The following FREM2 variants were observed in gnomAD, a reference collection of about 807,000 sequenced individuals.
The protein encoded by FREM2 is FRAS1 related extracellular matrix 2.
In FREM2, 119 loss-of-function variants were observed where a neutral mutation model predicts 219.9. That is an observed-to-expected ratio of 0.54 (90% confidence interval 0.47 to 0.63). FREM2 has a LOEUF of 0.63. Ranked by LOEUF, FREM2 falls within the 30% of genes least tolerant of loss-of-function variation. FREM2 has a pLI of 0.00. For synonymous variants in FREM2, 1,562 were observed against 1,522.8 expected (o/e 1.03, Z -0.60); for missense variants, 4,030 against 3,993.6 (o/e 1.01, Z -0.25).
At chr13:38,757,791 A>G (rs1873073450) in intron 2 of FREM2, among the ~76,000 whole-genome samples, 2 of 151,980 alleles carry the variant, frequency 1.3e-5, no homozygotes, top group Non-Finnish European at 2.9e-5. Flanking sequence ...GGGTTTCACC[A>G]TGCTGTTCAG....
At chr13:38,747,305 A>G (rs11147730) in intron 2 of FREM2, among the ~76,000 whole-genome samples, 85,558 of 151,850 alleles carry the variant, frequency 0.56, 27,178 homozygotes, top group Non-Finnish European at 0.72. Context: ...TTTGAAGGGT[A>G]CTCATGGTCT....
At chr13:38,768,247 T>C (rs1014484675) in intron 3 of FREM2, among the ~76,000 whole-genome samples, 1 of 152,166 alleles carries the variant, frequency 6.6e-6, no homozygotes, top group African/African-American at 2.4e-5. Context: ...ATCACAAGAC[T>C]TTATTTTTCC....
rs1000912828 is a variant in FREM2, at chr13:38,691,092, G to A, written c.3748G>A (p.Glu1250Lys). ...GCTGATAAATGGCACGGTTTTGGTC[G>A]AAAGCTTCACCTTGGATCAGATCAT... Reference protein sequence around the residue: ...NQLINGTVLVESFTLDQIIES... With the variant: ...NQLINGTVLVKSFTLDQIIES... Residue 1250 changes from glutamate to lysine, a missense_variant, in exon 1 of 24, where the codon GAA (glutamate) becomes AAA (lysine). Glu to Lys is a moderately conservative substitution (Grantham distance 56). Transcript: ENST00000280481. The A allele has an allele frequency of 4.3e-6, 7 of 1,613,912 alleles. No homozygotes were observed. The highest frequency in any genetic ancestry group is 2.2e-5 in the East Asian group (1 of 44,878).
chr13:38,856,277 G>T lies in FREM2; in HGVS notation c.7056+21G>T, dbSNP rs1468897071. 1.9e-6 allele frequency: 3 copies of T among 1,606,420 alleles called. No homozygotes were observed. In the African/African-American group the frequency reaches 4.0e-5, roughly 22 times the overall value. On this transcript the variant is annotated intron_variant, in intron 12 of 23. Transcript: ENST00000280481. ...TGCAGGTAAGTAATGTAATGTGTAT[G>T]TAAATTCATGGCTAGCAGTTTGTCA...
intron 6 of FREM2, among the ~76,000 whole-genome samples, chr13:38,786,675 GT>G (rs202053878): frequency 3.3e-5 from 5 of 151,582 alleles, no homozygotes; most frequent in Non-Finnish European, 7.4e-5. Context: ...AGTTCAGTTT[GT>G]TTTTTTTGGC....
At chr13:38,829,059 TCA>T (rs1419092273) in intron 6 of FREM2, among the ~76,000 whole-genome samples, 1 of 152,156 alleles carries the variant, frequency 6.6e-6, no homozygotes, top group Non-Finnish European at 1.5e-5. Flanking sequence ...ATATATTCTC[TCA>T]TTCAGTCCTT....
In FREM2 at chr13:38,880,376, G is replaced by T. The variant is rs886759325; in HGVS notation, c.9099G>T (p.Glu3033Asp). Residue 3033 changes from glutamate (E) to aspartate (D), a missense_variant, in exon 24 of 24, where the codon GAG (glutamate) becomes GAT (aspartate). Physicochemically the swap from Glu to Asp is conservative, Grantham distance 45. Around this residue, in one of 2 missense-constraint regions of FREM2, gnomAD observed 928 missense variants for 1,042.9 expected, o/e 0.89. Coordinates refer to ENST00000280481, the MANE Select transcript of FREM2 (RefSeq NM_207361.6). ...ANRGIGKRSV[E>D]YHSLVSQGKP... ...GAGGTATTGGCAAAAGAAGTGTGGA[G>T]TACCATTCTCTGGTGAGTCAAGGAA... The T allele has an allele frequency of 6.2e-7, 1 of 1,614,104 alleles. No individual in the cohort carries two copies. Among genetic ancestry groups the T allele is most frequent in the Non-Finnish European group, 8.5e-7 (1 of 1,180,016 alleles).
intron 6 of FREM2, among the ~76,000 whole-genome samples, chr13:38,817,089 C>A (rs1419613462): frequency 6.6e-6 from 1 of 152,000 alleles, no homozygotes; most frequent in Non-Finnish European, 1.5e-5. Flanking sequence ...GGAAAGATAT[C>A]CTATATTTGT....
chr13:38,872,884 C>A lies in FREM2; in HGVS notation c.8126C>A (p.Ala2709Asp). Residue 2709 changes from alanine to aspartate, a missense_variant, in exon 17 of 24, where the codon GCC (alanine) becomes GAC (aspartate). Transcript: ENST00000280481. ...CGTCTAACTTTTGTGTACGACACCG[C>A]CATCTTGTGGAATGATGGAATTGGC... ...ELRLTFVYDT[A>D]ILWNDGIGSP... The A allele has an allele frequency of 6.2e-7, 1 of 1,613,926 alleles. No individual in the cohort carries two copies. Among genetic ancestry groups the A allele is most frequent in the Non-Finnish European group, 8.5e-7 (1 of 1,179,904 alleles).
Position 38,767,817 on chromosome 13 carries a change from A to T in FREM2, c.5411-1761A>T, listed in dbSNP as rs151128126. On this transcript the variant is annotated intron_variant, in intron 3 of 23. Coordinates refer to ENST00000280481, the MANE Select transcript of FREM2 (RefSeq NM_207361.6). ...GTTCTGTGCCCTTTTTTCTCTTGCC[A>T]TTAAATGAATCATGTTTTACCTGCT... is the stretch of plus-strand genomic sequence containing the variant. Among the ~76,000 whole-genome samples, 327 of 152,336 alleles carry T rather than the reference A, an allele frequency of 2.1e-3. 2 individuals are homozygous for T. Among genetic ancestry groups the T allele is most frequent in the African/African-American group, 7.6e-3 (314 of 41,566 alleles).
At chr13:38,781,280 T>A (rs2483419) in intron 4 of FREM2, among the ~76,000 whole-genome samples, 135,628 of 151,840 alleles carry the variant, frequency 0.89, 61,463 homozygotes, top group Non-Finnish European at 0.98. Flanking sequence ...GTTGTTCATA[T>A]GGGACATTTT....
chr13:38,795,632 A>G (rs753689860), intron 6 of FREM2, among the ~76,000 whole-genome samples: 4 of 152,124 alleles, frequency 2.6e-5, no homozygotes, highest in Non-Finnish European at 5.9e-5. Context: ...AATATACAAT[A>G]CATCATTGCT....
chr13:38,778,564 A>G (rs1056111644), intron 4 of FREM2, among the ~76,000 whole-genome samples: 2 of 152,152 alleles, frequency 1.3e-5, no homozygotes, highest in Admixed American at 1.3e-4. Context: ...GACGAACACA[A>G]ACATTCAGCC....
At chr13:38,796,550 C>T (rs1273737818) in intron 6 of FREM2, among the ~76,000 whole-genome samples, 3 of 152,102 alleles carry the variant, frequency 2.0e-5, no homozygotes, top group African/African-American at 7.2e-5. Flanking sequence ...GCCCCATTCC[C>T]CTACAAAATG....
intron 2 of FREM2, among the ~76,000 whole-genome samples, chr13:38,719,375 C>T (rs1319015535): frequency 1.3e-5 from 2 of 152,174 alleles, no homozygotes; most frequent in African/African-American, 2.4e-5. Context: ...CATGCACCAC[C>T]ATGCCCAGCT....
At chr13:38,730,658 A>G (rs1566120377) in intron 2 of FREM2, among the ~76,000 whole-genome samples, 1 of 152,110 alleles carries the variant, frequency 6.6e-6, no homozygotes, top group Non-Finnish European at 1.5e-5. Context: ...CAAACCTATT[A>G]TTTGCACCTA....
chr13:38,840,001 T>C (rs1876884464), intron 6 of FREM2, among the ~76,000 whole-genome samples: 1 of 151,864 alleles, frequency 6.6e-6, no homozygotes, highest in Admixed American at 6.6e-5. Flanking sequence ...ACCACTGAGG[T>C]ATGAAAAAAA....
At chr13:38,693,425 C>T (rs1184797356) in intron 1 of FREM2, among the ~76,000 whole-genome samples, 1 of 152,202 alleles carries the variant, frequency 6.6e-6, no homozygotes. Context: ...ACCTGAATTT[C>T]CTTTGTGGGT....
At position 38,691,696 on chromosome 13, in the gene FREM2, G is replaced by T. The variant is rs768059632; in HGVS notation, c.4352G>T (p.Ser1451Ile). 1 of 1,613,850 alleles carries T rather than the reference G, an allele frequency of 6.2e-7. No individual in the cohort carries two copies. Among genetic ancestry groups the T allele is most frequent in the Non-Finnish European group, 8.5e-7 (1 of 1,179,770 alleles). ...CTACTAAGCACTAGTGACTTGAACA[G>T]TCCTGATGAAAACTTGGTTTTTACC... ...TDLLSTSDLN[S>I]PDENLVFTIT... The change falls in exon 1 of 24, where the codon AGT becomes ATT. Residue 1451 changes from serine (S) to isoleucine (I), a missense_variant. By Grantham distance (142) the Ser-to-Ile change is moderately radical. Transcript: ENST00000280481.
Sources: gnomAD v4.1 joint callset for allele counts (sites outside exome capture counted in the v4.1 genomes callset) on GRCh38, gnomAD v4.1.1 for gene constraint, gnomAD v4.1.1 regional missense constraint, MANE v1.5 for transcripts, NCBI Gene and HGNC (gene_info 2026-07-23, HGNC 2026-07-21) for gene names.